DNAJC16: variants seen among roughly 807,000 people sequenced by gnomAD.
DNAJC16 encodes DnaJ heat shock protein family (Hsp40) member C16.
Under a neutral mutation model 92.7 loss-of-function variants are expected in DNAJC16, and 76 were observed. That is an observed-to-expected ratio of 0.82 (90% CI 0.68 to 0.99). The LOEUF is 0.99. DNAJC16 is among the 50% of genes least tolerant of loss of function. The pLI is 0.00. For synonymous variants in DNAJC16, 328 were observed against 358.7 expected (o/e 0.91, Z 0.97); for missense variants, 869 against 942.4 (o/e 0.92, Z 1.02).
At chr1:15,530,832 C>T (rs1361668841) in intron 2 of DNAJC16, among the ~76,000 whole-genome samples, 3 of 152,142 alleles carry the variant, frequency 2.0e-5, no homozygotes, top group Non-Finnish European at 2.9e-5. Flanking sequence ...GGACTACAGG[C>T]GTGCACCACC....
rs1288382718 is a variant in DNAJC16 at position 15,529,215 on chromosome 1, G to T, written c.110G>T (p.Ser37Ile). 1.2e-6 allele frequency: 2 copies of T among 1,613,254 alleles called. No homozygotes were observed. The highest frequency in any genetic ancestry group is 1.7e-6 in the Non-Finnish European group (2 of 1,179,480). The change falls in exon 2 of 15, where the codon AGC becomes ATC. Residue 37 changes from serine (S) to isoleucine (I), a missense_variant. Ser to Ile is a moderately radical substitution (Grantham distance 142). Coordinates refer to ENST00000375847, the MANE Select transcript of DNAJC16 (RefSeq NM_015291.4). ...GACCCATACAGAGTCCTAGGGGTCA[G>T]CCGAACAGCCAGTCAGGCTGATATT... is the stretch of plus-strand genomic sequence containing the variant. ...DFDPYRVLGV[S>I]RTASQADIKK... is the part of the protein sequence containing the mutation.
intron 7 of DNAJC16, among the ~76,000 whole-genome samples, chr1:15,556,173 C>CT (rs1010468863): frequency 2.1e-5 from 3 of 140,486 alleles, no homozygotes; most frequent in African/African-American, 7.9e-5. Context: ...AAGACAGTAT[C>CT]TTTTTGTTGT....
chr1:15,529,927 T>C (rs1420568684), intron 2 of DNAJC16, among the ~76,000 whole-genome samples: 2 of 152,216 alleles, frequency 1.3e-5, no homozygotes. Context: ...TAATACAATG[T>C]AACTGCTGTG....
chr1:15,538,634 T>C (rs1710851950), intron 4 of DNAJC16, among the ~76,000 whole-genome samples: 1 of 152,152 alleles, frequency 6.6e-6, no homozygotes, highest in Admixed American at 6.6e-5. Flanking sequence ...GGAGAATCAC[T>C]TGAACCCTGG....
intron 8 of DNAJC16, among the ~76,000 whole-genome samples, chr1:15,561,558 G>A (rs755689077): frequency 2.6e-5 from 4 of 152,032 alleles, no homozygotes; most frequent in Non-Finnish European, 4.4e-5. Flanking sequence ...GGTGGTGCAC[G>A]CCTATAATCC....
chr1:15,551,755 A>G (rs1302459912), intron 7 of DNAJC16, among the ~76,000 whole-genome samples: 1 of 152,034 alleles, frequency 6.6e-6, no homozygotes, highest in Non-Finnish European at 1.5e-5. Flanking sequence ...CTGAGACTAC[A>G]GGCATGCACC....
Position 15,534,115 on chromosome 1 carries a change from G to T in DNAJC16, c.168-122G>T, listed in dbSNP as rs1286361491. On this transcript the variant is annotated intron_variant, in intron 2 of 14. Transcript: ENST00000375847. ...TGATTGCCTCTATCATTTATTTTAA[G>T]AAACTTTCCTAACAAAATAGCCCTC... The T allele has an allele frequency of 8.9e-6, 8 of 897,568 alleles. No individual in the cohort carries two copies. The East Asian group carries it at 1.9e-4, about 22-fold the overall frequency. The allele number at this position is 897,568 out of a possible 1,614,324, so 55.6% of individuals were successfully genotyped here.
chr1:15,532,959 T>A (rs1158375224), intron 2 of DNAJC16, among the ~76,000 whole-genome samples: 1 of 152,242 alleles, frequency 6.6e-6, no homozygotes, highest in African/African-American at 2.4e-5. Flanking sequence ...GTTGTAGATT[T>A]TTTTTTATTC....
At chr1:15,562,406 G>T (rs574773017) in intron 9 of DNAJC16, 81 bp downstream of exon 9, 8 of 1,349,212 alleles carry the variant, frequency 5.9e-6, no homozygotes, top group Middle Eastern at 1.9e-4. Context: ...CCTTGAGAGT[G>T]TTGAATACAG....
chr1:15,529,763 C>T (rs889192452), intron 2 of DNAJC16, among the ~76,000 whole-genome samples: 1 of 152,098 alleles, frequency 6.6e-6, no homozygotes, highest in African/African-American at 2.4e-5. Context: ...GGATAGTTGT[C>T]TCTTGATATC....
At chr1:15,540,414 G>T (rs939429391) in intron 4 of DNAJC16, among the ~76,000 whole-genome samples, 2 of 152,084 alleles carry the variant, frequency 1.3e-5, no homozygotes, top group Non-Finnish European at 2.9e-5. Flanking sequence ...AGCCTCCCAC[G>T]TAGCTAGGAC....
At chr1:15,549,279 G>A (rs950258688) in intron 7 of DNAJC16, among the ~76,000 whole-genome samples, 2 of 152,136 alleles carry the variant, frequency 1.3e-5, no homozygotes, top group Non-Finnish European at 2.9e-5. Flanking sequence ...AAATAGAAGG[G>A]GAGAAGTCCT....
At chr1:15,562,474 C>A in intron 9 of DNAJC16, 149 bp downstream of exon 9, 1 of 919,586 alleles carries the variant, frequency 1.1e-6, no homozygotes, top group Non-Finnish European at 1.5e-6. Context: ...TTTGTTTTTC[C>A]TTTTTCTTGA....
At chr1:15,564,234 C>T (rs1638758971) in intron 10 of DNAJC16, 49 bp from the exon 11 acceptor site, 1 of 1,527,554 alleles carries the variant, frequency 6.5e-7, no homozygotes, top group African/African-American at 1.4e-5. Context: ...TAGAGGGACT[C>T]TCCCTTCCGG....
At chr1:15,533,352 C>T (rs932279513) in intron 2 of DNAJC16, among the ~76,000 whole-genome samples, 6 of 152,112 alleles carry the variant, frequency 3.9e-5, no homozygotes, top group Non-Finnish European at 8.8e-5. Context: ...TGAGGCCGGG[C>T]GTGGTGGCTC....
intron 8 of DNAJC16, among the ~76,000 whole-genome samples, chr1:15,561,035 G>T (rs1638677771): frequency 6.6e-6 from 1 of 151,598 alleles, no homozygotes; most frequent in Non-Finnish European, 1.5e-5. Flanking sequence ...TTTTCAGTTG[G>T]CACTTCCCTG....
intron 1 of DNAJC16, among the ~76,000 whole-genome samples, chr1:15,528,134 A>G (rs932116377): frequency 4.6e-5 from 7 of 152,196 alleles, no homozygotes; most frequent in Non-Finnish European, 1.0e-4. Context: ...TGAGGTTTCC[A>G]TTAATAATGA....
At chr1:15,530,563 A>G (rs901406343) in intron 2 of DNAJC16, among the ~76,000 whole-genome samples, 9 of 152,234 alleles carry the variant, frequency 5.9e-5, no homozygotes, top group African/African-American at 7.2e-5. Flanking sequence ...GGCTGTACCA[A>G]CCATGAGGAA....
chr1:15,528,498 T>C (rs1710575762), intron 1 of DNAJC16, among the ~76,000 whole-genome samples: 1 of 152,218 alleles, frequency 6.6e-6, no homozygotes, highest in Non-Finnish European at 1.5e-5. Context: ...TTTTCTTGTT[T>C]GAATGGTGTG....
Sources: gnomAD v4.1 joint callset for allele counts (sites outside exome capture counted in the v4.1 genomes callset) on GRCh38, gnomAD v4.1.1 for gene constraint, MANE v1.5 for transcripts, NCBI Gene and HGNC (gene_info 2026-07-23, HGNC 2026-07-21) for gene names.